Variants in SAMD9L observed in about 807,000 individuals in gnomAD.
SAMD9L encodes sterile alpha motif domain-containing protein 9-like.
A neutral mutation model predicts 90.7 loss-of-function variants in SAMD9L; 68 were observed. The observed-to-expected ratio is 0.75, with a 90% CI of 0.62 to 0.92. SAMD9L has a LOEUF of 0.92. Ranked by LOEUF, SAMD9L falls within the 40% of genes least tolerant of loss-of-function variation. SAMD9L has a pLI of 0.00. For missense variants in SAMD9L, 1,604 were observed against 1,824.3 expected, an observed-to-expected ratio of 0.88 and a Z score of 2.20; for synonymous variants, 640 against 630.1, an observed-to-expected ratio of 1.02 and a Z score of -0.23.
At position 93,145,807 on chromosome 7, in the gene SAMD9L, A is replaced by C. The variant is rs1043013281; in HGVS notation, c.-545T>G. On this transcript the variant is annotated 5_prime_UTR_variant, in exon 3 of 5. Transcript: ENST00000318238. The stretch of plus-strand genomic sequence containing the variant: ...CTAAGAAAATAAATAAAACTCAAAA[A>C]GTATGTGACAGGTACACTTTATCTC... 6.6e-6 allele frequency: 1 copy of C among 152,208 alleles called. No homozygotes were observed. Among genetic ancestry groups the C allele is most frequent in the Non-Finnish European group, 1.5e-5 (1 of 68,032 alleles). 9.4% of individuals were successfully genotyped at this position (152,208 alleles called of 1,614,324 possible).
chr7:93,145,675 T>A lies in SAMD9L; in HGVS notation c.-413A>T, dbSNP rs114079964. 1 of 152,128 alleles carries A rather than the reference T, an allele frequency of 6.6e-6. No homozygotes were observed. The highest frequency in any genetic ancestry group is 2.4e-5 in the African/African-American group (1 of 41,418). 9.4% of individuals were successfully genotyped at this position (152,128 alleles called of 1,614,324 possible). On this transcript the variant is annotated 5_prime_UTR_variant, in exon 3 of 5. Transcript: ENST00000318238. ...CTGAGGAAATGTTTATGAAACAGAT[T>A]TTCCCCCCAACTTTCTACTATGAAA...
intron 4 of SAMD9L, among the ~76,000 whole-genome samples, chr7:93,139,150 A>G (rs967271537): frequency 3.3e-5 from 5 of 152,206 alleles, no homozygotes; most frequent in African/African-American, 1.2e-4. Context: ...GTGTCCTCAG[A>G]TACCATTTCT....
chr7:93,138,698 G>A (rs181559537), intron 4 of SAMD9L, among the ~76,000 whole-genome samples: 7 of 152,264 alleles, frequency 4.6e-5, no homozygotes, highest in Admixed American at 1.3e-4. Flanking sequence ...ATGACATAGC[G>A]CTGTTCCAGC....
rs1792109638 is a variant in SAMD9L, at chr7:93,131,735, C to G, written c.4237G>C (p.Val1413Leu). The G allele has an allele frequency of 2.5e-6, 4 of 1,613,852 alleles. 2 individuals are homozygous for G. In the Middle Eastern group the frequency reaches 6.6e-4, roughly 266 times the overall value. ...LTTLKKQLRE[V>L]LQFVGLSHQY... ...TGACTTAGTCCTACAAATTGCAAGA[C>G]CTCTCGGAGTTGTTTTTTTAGCGTG... Residue 1413 changes from valine to leucine, a missense_variant, in exon 5 of 5, where the codon GTC becomes CTC. Physicochemically the swap from Val to Leu is conservative, Grantham distance 32. Around this residue, in one of 7 missense-constraint regions of SAMD9L, gnomAD observed 282 missense variants for 329.6 expected, o/e 0.86. Coordinates refer to ENST00000318238, the MANE Select transcript of SAMD9L (RefSeq NM_152703.5).
intron 2 of SAMD9L, among the ~76,000 whole-genome samples, 159 bp from the exon 3 acceptor site, chr7:93,146,199 C>T (rs947444471): frequency 6.6e-6 from 1 of 152,202 alleles, no homozygotes; most frequent in Non-Finnish European, 1.5e-5. Flanking sequence ...CTCCTCGTTG[C>T]TTCCTGAAGG....
At chr7:93,145,203 T>G (rs909430340) in intron 3 of SAMD9L, among the ~76,000 whole-genome samples, 182 bp downstream of exon 3, 2 of 152,236 alleles carry the variant, frequency 1.3e-5, no homozygotes, top group Admixed American at 6.5e-5. Flanking sequence ...TTACATCTAT[T>G]GATTCTCATA....
In SAMD9L at chr7:93,135,986, T is replaced by C; in HGVS notation, c.-15A>G. The stretch of plus-strand genomic sequence containing the variant: ...TGTTTACTCATATCAAAGCTTCAAC[T>C]TCTTCCTGAGACAAAGCAATATAAT... On this transcript the variant is annotated 5_prime_UTR_variant, in exon 5 of 5. Transcript: ENST00000318238. 2 of 1,534,498 alleles carry C rather than the reference T, an allele frequency of 1.3e-6. No homozygotes were observed. The highest frequency in any genetic ancestry group is 1.7e-6 in the Non-Finnish European group (2 of 1,145,888).
At position 93,135,039 on chromosome 7, in the gene SAMD9L, T is replaced by A. The variant is rs1792361510; in HGVS notation, c.933A>T (p.Pro311=). 1 of 1,612,728 alleles carries A rather than the reference T, an allele frequency of 6.2e-7. No homozygotes were observed. The highest frequency in any genetic ancestry group is 2.2e-5 in the East Asian group (1 of 44,874). The change falls in exon 5 of 5, where the codon CCA becomes CCT. Residue 311 remains proline (P), a synonymous_variant. Transcript: ENST00000318238. ...ACTTATCATTACATATAGAGTGTTT[T>A]GGAATAGTATCAACTTCAATGACAA... The part of the protein sequence containing the change: ...DRFVIEVDTI[P]KHSICNDKYF...
chr7:93,131,792 T>A lies in SAMD9L; in HGVS notation c.4180A>T (p.Lys1394Ter), dbSNP rs1449583407. 1 of 1,613,462 alleles carries A rather than the reference T, an allele frequency of 6.2e-7. No homozygotes were observed. The highest frequency in any genetic ancestry group is 8.5e-7 in the Non-Finnish European group (1 of 1,179,830). Residue 1394 changes from lysine (K) to a stop codon, truncating the protein, a stop_gained, in exon 5 of 5, where the codon AAG (lysine) becomes TAG (stop). Transcript: ENST00000318238. LOFTEE classifies it high-confidence loss of function. The part of the protein sequence containing the change: ...ILANIILSCL[K>*]PNSKLIQPLT... ...GGTTGAATTAACTTGGAGTTGGGCT[T>A]TAGACAACTCAGAATAATGTTGGCC...
chr7:93,134,869 T>C lies in SAMD9L; in HGVS notation c.1103A>G (p.Gln368Arg). Residue 368 changes from glutamine (Q) to arginine (R), a missense_variant, in exon 5 of 5, where the codon CAA becomes CGA. Gln to Arg is a conservative substitution (Grantham distance 43). Around this residue, in one of 7 missense-constraint regions of SAMD9L, gnomAD observed 606 missense variants for 717.6 expected, o/e 0.84. Coordinates refer to ENST00000318238, the MANE Select transcript of SAMD9L (RefSeq NM_152703.5). ...QRDVDFKAFL[Q>R]NLKSLVASRK... ...AGATGCTACCAGTGACTTTAAATTTTGTAAAAATGCCTTGAAATCTACATC... is the reference window on the plus strand; with the variant it reads ...AGATGCTACCAGTGACTTTAAATTTCGTAAAAATGCCTTGAAATCTACATC... The C allele has an allele frequency of 6.2e-7, 1 of 1,614,002 alleles. No homozygotes were observed. The highest frequency in any genetic ancestry group is 8.5e-7 in the Non-Finnish European group (1 of 1,179,926).
Position 93,131,654 on chromosome 7 carries a change from C to A in SAMD9L, c.4318G>T (p.Glu1440Ter), listed in dbSNP as rs753162688. The change falls in exon 5 of 5, where the codon GAG becomes TAG. Residue 1440 changes from glutamate (E) to a stop codon, truncating the protein, a stop_gained. Coordinates refer to ENST00000318238, the MANE Select transcript of SAMD9L (RefSeq NM_152703.5). LOFTEE classifies it high-confidence loss of function. Reference sequence around the variant, plus strand: ...ATTAGTTTGGAATCTTGATCTAGCTCTTGATTTTCTGGCCAGAACAGGAGG... The same window carrying A: ...ATTAGTTTGGAATCTTGATCTAGCTATTGATTTTCTGGCCAGAACAGGAGG... ...ACLLFWPENQ[E>*]LDQDSKLIEK... is the part of the protein sequence containing the mutation. 1.5e-5 allele frequency: 24 copies of A among 1,613,786 alleles called. No homozygotes were observed. The highest frequency in any genetic ancestry group is 2.0e-5 in the Non-Finnish European group (24 of 1,179,882).
In SAMD9L at chr7:93,130,479, G is replaced by GA. The variant is rs1172995959; in HGVS notation, c.*737dup. 3 of 152,260 alleles carry GA rather than the reference G, an allele frequency of 2.0e-5. No homozygotes were observed. Among genetic ancestry groups the GA allele is most frequent in the African/African-American group, 7.2e-5 (3 of 41,458 alleles). The allele number at this position is 152,260 out of a possible 1,614,324, so 9.4% of individuals were successfully genotyped here. A position where few individuals can be genotyped will look rare whatever the true frequency, so the allele number is the denominator to read the frequency against. On this transcript the variant is annotated 3_prime_UTR_variant, in exon 5 of 5. Coordinates refer to ENST00000318238, the MANE Select transcript of SAMD9L (RefSeq NM_152703.5). The stretch of plus-strand genomic sequence containing the variant: ...GGAAAAAATAAGCCAGGGGAGATGG[G>GA]ATCTAAGAAACAGGTGGAGATAAGG...
chr7:93,132,217 T>G lies in SAMD9L; in HGVS notation c.3755A>C (p.Lys1252Thr), dbSNP rs778603074. 6.2e-7 allele frequency: 1 copy of G among 1,613,804 alleles called. No individual in the cohort carries two copies. The change falls in exon 5 of 5, where the codon AAG becomes ACG. Residue 1252 changes from lysine (K) to threonine (T), a missense_variant. By Grantham distance (78) the Lys-to-Thr change is moderately conservative. Around this residue, in one of 7 missense-constraint regions of SAMD9L, gnomAD observed 302 missense variants for 314.7 expected, o/e 0.96. Coordinates refer to ENST00000318238, the MANE Select transcript of SAMD9L (RefSeq NM_152703.5). The stretch of plus-strand genomic sequence containing the variant: ...TAAATTTTTTAGGTGGGATGTGAAC[T>G]TGCTAAGAGCCAAATAACATTCATT... Reference protein sequence around the residue: ...PRNECYLALSKFTSHLKNLQS... With the variant: ...PRNECYLALSTFTSHLKNLQS...
chr7:93,147,685 A>AT (rs1165897976), intron 1 of SAMD9L, among the ~76,000 whole-genome samples: 3 of 152,090 alleles, frequency 2.0e-5, no homozygotes, highest in African/African-American at 4.8e-5. Flanking sequence ...AACACTTTGC[A>AT]TTTTTTTTCT....
At position 93,132,407 on chromosome 7, in the gene SAMD9L, A is replaced by T. The variant is rs1177744889; in HGVS notation, c.3565T>A (p.Tyr1189Asn). The change falls in exon 5 of 5, where the codon TAT (tyrosine) becomes AAT (asparagine). Residue 1189 changes from tyrosine (Y) to asparagine (N), a missense_variant. Transcript: ENST00000318238. ...AAACAAGCTGTGTTATACATGTCAT[A>T]TCGTCTCTGGGACTTCTGTGGTGAC... is the stretch of plus-strand genomic sequence containing the variant. ...NWSPQKSQRR[Y>N]DMYNTACFLG... 47 of 1,613,850 alleles carry T rather than the reference A, an allele frequency of 2.9e-5. No individual in the cohort carries two copies. Among genetic ancestry groups the T allele is most frequent in the Non-Finnish European group, 3.8e-5 (45 of 1,179,818 alleles).
In SAMD9L at chr7:93,134,535, G is replaced by A. The variant is rs760888066; in HGVS notation, c.1437C>T (p.Asn479=). 1 of 1,613,920 alleles carries A rather than the reference G, an allele frequency of 6.2e-7. No homozygotes were observed. The highest frequency in any genetic ancestry group is 8.5e-7 in the Non-Finnish European group (1 of 1,179,898). ...FPNQYEDKTT[N]MWEKISTLNL... ...TAAGAGTAGAAATCTTCTCCCACAT[G>A]TTAGTTGTCTTGTCTTCATATTGAT... The change falls in exon 5 of 5, where the codon AAC becomes AAT. Residue 479 remains asparagine, a synonymous_variant. Transcript: ENST00000318238.
Position 93,131,975 on chromosome 7 carries a change from C to G in SAMD9L, c.3997G>C (p.Glu1333Gln), listed in dbSNP as rs910014456. 2.5e-6 allele frequency: 4 copies of G among 1,611,808 alleles called. No homozygotes were observed. In the African/African-American group the frequency reaches 5.4e-5, roughly 22 times the overall value. Reference protein sequence around the residue: ...LQEENCRKKLEALRADRFAGL... With the variant: ...LQEENCRKKLQALRADRFAGL... ...GCAAACCTATCTGCTCTCAGAGCTT[C>G]TAGCTTTTTCCTGCAATTCTCCTCC... Residue 1333 changes from glutamate (E) to glutamine (Q), a missense_variant, in exon 5 of 5, where the codon GAA becomes CAA. By Grantham distance (29) the Glu-to-Gln change is conservative. Coordinates refer to ENST00000318238, the MANE Select transcript of SAMD9L (RefSeq NM_152703.5).
In SAMD9L at chr7:93,135,387, T is replaced by C. The variant is rs371026366; in HGVS notation, c.585A>G (p.Pro195=). Residue 195 remains proline, a synonymous_variant, in exon 5 of 5, where the codon CCA becomes CCG. Coordinates refer to ENST00000318238, the MANE Select transcript of SAMD9L (RefSeq NM_152703.5). ...TTGTGAGAGCTTTGAACTCATGTAT[T>C]GGATCAATGAGATTGAGTGCTCCTG... ...PETGALNLID[P]IHEFKALTNT... 3 of 1,614,022 alleles carry C rather than the reference T, an allele frequency of 1.9e-6. No homozygotes were observed. Among genetic ancestry groups the C allele is most frequent in the African/African-American group, 2.7e-5 (2 of 74,938 alleles).
chr7:93,136,489 G>A (rs962235996), intron 4 of SAMD9L, among the ~76,000 whole-genome samples: 1 of 152,170 alleles, frequency 6.6e-6, no homozygotes, highest in African/African-American at 2.4e-5. Context: ...AACTCAAGCT[G>A]TTAGGCCACA....
Sources: allele counts gnomAD v4.1 joint callset (sites outside exome capture counted in the v4.1 genomes callset), GRCh38; gene constraint gnomAD v4.1.1; regional missense constraint gnomAD v4.1.1; transcripts MANE v1.5; gene names NCBI Gene and HGNC (gene_info 2026-07-23, HGNC 2026-07-21).